Variants in FKBP1A observed in about 807,000 individuals in gnomAD.
FKBP1A encodes FKBP prolyl isomerase 1A.
FKBP1A carries 5 observed loss-of-function variants against 14.2 expected under a neutral mutation model. The observed-to-expected ratio is 0.35, with a 90% confidence interval of 0.18 to 0.74. FKBP1A has a LOEUF of 0.74. Ranked by LOEUF, FKBP1A falls within the 30% of genes least tolerant of loss-of-function variation. The probability of loss-of-function intolerance (pLI) is 0.56; values close to 1 mark genes in which losing one functional copy is unlikely to be tolerated. For missense variants in FKBP1A, 53 were observed against 138.8 expected (o/e 0.38, Z 3.10); for synonymous variants, 42 against 49.1 (o/e 0.86, Z 0.60).
chr20:1,369,883 A>G lies in FKBP1A; in HGVS notation c.*226T>C, dbSNP rs537120656. 8.9e-6 allele frequency: 7 copies of G among 788,194 alleles called. No individual in the cohort carries two copies. Among genetic ancestry groups the G allele is most frequent in the South Asian group, 8.8e-5 (4 of 45,480 alleles). 48.8% of individuals were successfully genotyped at this position (788,194 alleles called of 1,614,324 possible). ...AAATGAATAACTTGAGGTTTATGGC[A>G]TATAGTTTAGGTAAACACACATACG... On this transcript the variant is annotated 3_prime_UTR_variant, in exon 5 of 5. Coordinates refer to ENST00000400137, the MANE Select transcript of FKBP1A (RefSeq NM_000801.5).
intron 2 of FKBP1A, chr20:1,378,130 C>G (rs1192645704): frequency 1.3e-5 from 2 of 150,794 alleles, no homozygotes; most frequent in African/African-American, 2.5e-5. Context: ...AAAAGAAAAA[C>G]AAAGACTCGG....
At position 1,392,824 on chromosome 20, in the gene FKBP1A, C is replaced by T. The variant is rs758300172; in HGVS notation, c.85+10G>A. The T allele has an allele frequency of 6.6e-7, 1 of 1,504,158 alleles. No homozygotes were observed. Among genetic ancestry groups the T allele is most frequent in the Non-Finnish European group, 8.9e-7 (1 of 1,127,612 alleles). 93.2% of individuals were successfully genotyped at this position (1,504,158 alleles called of 1,614,324 possible). ...GCCCGGGCCCCCTCCCCGCTGGGCC[C>T]CCGACTCACCGGTGTAGTGCACCAC... On this transcript the variant is annotated intron_variant, in intron 2 of 4. Coordinates refer to ENST00000400137, the MANE Select transcript of FKBP1A (RefSeq NM_000801.5).
intron 3 of FKBP1A, among the ~76,000 whole-genome samples, chr20:1,373,590 G>A (rs776159359): frequency 6.6e-6 from 1 of 152,088 alleles, no homozygotes; most frequent in Admixed American, 6.5e-5. Flanking sequence ...TCTCACAAAT[G>A]ACAGGGCTGT....
intron 3 of FKBP1A, 69 bp from the exon 4 acceptor site, chr20:1,372,309 C>G: frequency 6.4e-7 from 1 of 1,552,344 alleles, no homozygotes; most frequent in Non-Finnish European, 8.8e-7. Flanking sequence ...AGAAAAAGAG[C>G]TGTTTACCTA....
chr20:1,370,189 G>T (rs1303265911), intron 4 of FKBP1A, 117 bp from the exon 5 acceptor site: 2 of 1,454,556 alleles, frequency 1.4e-6, no homozygotes, highest in African/African-American at 2.8e-5. Flanking sequence ...TGAGCAGTCT[G>T]AGACCAAGCC....
At chr20:1,385,455 T>A (rs1239684739) in intron 2 of FKBP1A, among the ~76,000 whole-genome samples, 1 of 152,126 alleles carries the variant, frequency 6.6e-6, no homozygotes, top group Non-Finnish European at 1.5e-5. Flanking sequence ...ATGCATTTTC[T>A]ATAGGGTATA....
Position 1,393,039 on chromosome 20 carries a change from G to C in FKBP1A, c.-41C>G, listed in dbSNP as rs750562645. 7.5e-7 allele frequency: 1 copy of C among 1,341,304 alleles called. No homozygotes were observed. Among genetic ancestry groups the C allele is most frequent in the South Asian group, 1.5e-5 (1 of 67,046 alleles). The allele number at this position is 1,341,304 out of a possible 1,614,324, so 83.1% of individuals were successfully genotyped here. A position where few individuals can be genotyped will look rare whatever the true frequency, so the allele number is the denominator to read the frequency against. ...TGAGCGGGCGGGCGGCGCGACGGGC[G>C]GCGTGGACCAACAGCGACCTGGCGG... On this transcript the variant is annotated 5_prime_UTR_variant, in exon 1 of 5. Transcript: ENST00000400137.
Position 1,370,040 on chromosome 20 carries a change from T to TG in FKBP1A, c.*68dup. ...AGCTCCATATGGATTCATGTGCACA[T>TG]GTCTGGAGGCACCAGATCCCTCCAT... On this transcript the variant is annotated 3_prime_UTR_variant, in exon 5 of 5. Coordinates refer to ENST00000400137, the MANE Select transcript of FKBP1A (RefSeq NM_000801.5). 6.5e-7 allele frequency: 1 copy of TG among 1,550,210 alleles called. No individual in the cohort carries two copies. Among genetic ancestry groups the TG allele is most frequent in the Non-Finnish European group, 8.7e-7 (1 of 1,146,914 alleles).
At position 1,369,998 on chromosome 20, in the gene FKBP1A, A is replaced by G. The variant is rs1471163358; in HGVS notation, c.*111T>C. 6.5e-7 allele frequency: 1 copy of G among 1,548,764 alleles called. No individual in the cohort carries two copies. Among genetic ancestry groups the G allele is most frequent in the Non-Finnish European group, 8.7e-7 (1 of 1,145,932 alleles). ...CAGGGCAGATGTCTATACAAAGTGG[A>G]GTGGAACATCAGGAAAAGCTCCATA... On this transcript the variant is annotated 3_prime_UTR_variant, in exon 5 of 5. Coordinates refer to ENST00000400137, the MANE Select transcript of FKBP1A (RefSeq NM_000801.5).
intron 2 of FKBP1A, among the ~76,000 whole-genome samples, chr20:1,389,002 G>GTA (rs2089701086): frequency 6.6e-6 from 1 of 152,140 alleles, no homozygotes; most frequent in Admixed American, 6.5e-5. Context: ...AGACAGCCCT[G>GTA]TAGCTCCCTC....
intron 2 of FKBP1A, chr20:1,378,043 T>C (rs1490785307): frequency 7.6e-6 from 1 of 131,474 alleles, no homozygotes; most frequent in Non-Finnish European, 1.7e-5. Context: ...CCTTCCCCTA[T>C]ACGGGTCAGT....
Position 1,369,974 on chromosome 20 carries a change from A to AG in FKBP1A, c.*134dup, listed in dbSNP as rs2122647369. 1 of 1,524,342 alleles carries AG rather than the reference A, an allele frequency of 6.6e-7. No homozygotes were observed. Among genetic ancestry groups the AG allele is most frequent in the African/African-American group, 1.4e-5 (1 of 72,290 alleles). 94.4% of individuals were successfully genotyped at this position (1,524,342 alleles called of 1,614,324 possible). On this transcript the variant is annotated 3_prime_UTR_variant, in exon 5 of 5. Transcript: ENST00000400137. Reference sequence around the variant, plus strand: ...GCTGAGTGACAGAACACATTCAGTCAGGGCAGATGTCTATACAAAGTGGAG... The same window carrying AG: ...GCTGAGTGACAGAACACATTCAGTCAGGGGCAGATGTCTATACAAAGTGGAG...
chr20:1,391,053 A>G (rs1294690), intron 2 of FKBP1A, among the ~76,000 whole-genome samples: 121,065 of 152,080 alleles, frequency 0.8, 48,571 homozygotes, highest in African/African-American at 0.89. Context: ...TCACAAAGAG[A>G]CATGGTGAAG....
In FKBP1A at chr20:1,393,039, G is replaced by T. The variant is rs750562645; in HGVS notation, c.-41C>A. Reference sequence around the variant, plus strand: ...TGAGCGGGCGGGCGGCGCGACGGGCGGCGTGGACCAACAGCGACCTGGCGG... The same window carrying T: ...TGAGCGGGCGGGCGGCGCGACGGGCTGCGTGGACCAACAGCGACCTGGCGG... On this transcript the variant is annotated 5_prime_UTR_variant, in exon 1 of 5. Transcript: ENST00000400137. The T allele has an allele frequency of 4.5e-6, 6 of 1,341,192 alleles. No homozygotes were observed. The East Asian group carries it at 8.5e-5, about 19-fold the overall frequency. 83.1% of individuals were successfully genotyped at this position (1,341,192 alleles called of 1,614,324 possible).
rs571620275 is a variant in FKBP1A at position 1,389,672 on chromosome 20, G to A, written c.85+3162C>T. 5.2e-3 allele frequency among the ~76,000 whole-genome samples: 797 copies of A among 152,248 alleles called. 3 individuals are homozygous for A. Among genetic ancestry groups the A allele is most frequent in the Non-Finnish European group, 8.2e-3 (558 of 67,988 alleles). On this transcript the variant is annotated intron_variant, in intron 2 of 4. Transcript: ENST00000400137. ...AAATGTCCAGTTAGTTACTTTTTAA[G>A]AAGAAAAAAGAAAACATTCCTTCAA...
At chr20:1,373,430 A>C (rs2089495410) in intron 3 of FKBP1A, among the ~76,000 whole-genome samples, 1 of 152,234 alleles carries the variant, frequency 6.6e-6, no homozygotes, top group South Asian at 2.1e-4. Context: ...CCACGCCTGC[A>C]AACATGTAAA....
intron 2 of FKBP1A, among the ~76,000 whole-genome samples, chr20:1,384,385 T>A (rs1600336952): frequency 6.6e-6 from 1 of 152,148 alleles, no homozygotes; most frequent in East Asian, 1.9e-4. Flanking sequence ...ATCTTAAAAA[T>A]CTGGAAAGGT....
rs1043992806 is a variant in FKBP1A at position 1,379,158 on chromosome 20, T to C, written c.86-3555A>G. 2.0e-5 allele frequency among the ~76,000 whole-genome samples: 3 copies of C among 152,240 alleles called. No homozygotes were observed. Among genetic ancestry groups the C allele is most frequent in the African/African-American group, 7.2e-5 (3 of 41,462 alleles). On this transcript the variant is annotated intron_variant, in intron 2 of 4. Transcript: ENST00000400137. This position sits in a 1 kb window ranked among gnomAD's most constrained non-coding sequence, Gnocchi z 4.3. ...TGACCTGTGCAAGATCGTATTTTGA[T>C]TGCAGTGAAAGCCACAGGGTACTGA...
At chr20:1,382,199 T>C (rs148027431) in intron 2 of FKBP1A, among the ~76,000 whole-genome samples, 1 of 152,214 alleles carries the variant, frequency 6.6e-6, no homozygotes, top group African/African-American at 2.4e-5. Flanking sequence ...ACTCTGGAGA[T>C]CACTTGTGCC....
Sources: allele counts gnomAD v4.1 joint callset (sites outside exome capture counted in the v4.1 genomes callset), GRCh38; gene constraint gnomAD v4.1.1; non-coding constraint Gnocchi (gnomAD v3.1); transcripts MANE v1.5; gene names NCBI Gene and HGNC (gene_info 2026-07-23, HGNC 2026-07-21).